The following NSD2 variants were observed in gnomAD, a reference collection of about 807,000 sequenced individuals.
NSD2 encodes nuclear receptor binding SET domain protein 2.
In NSD2, 12 loss-of-function variants were observed where a neutral mutation model predicts 139.0. The observed-to-expected ratio is 0.09, with a 90% CI of 0.06 to 0.14. The LOEUF is 0.14. Ranked by LOEUF, NSD2 falls within the 10% of genes least tolerant of loss-of-function variation. The pLI, the probability that NSD2 is intolerant of heterozygous loss-of-function variation, is 1.00. For missense variants in NSD2, 1,155 were observed against 1,745.0 expected (o/e 0.66, Z 6.02); for synonymous variants, 669 against 648.7 (o/e 1.03, Z -0.48).
intron 18 of NSD2, among the ~76,000 whole-genome samples, chr4:1,968,268 T>G (rs988635919): frequency 4.6e-5 from 7 of 152,186 alleles, no homozygotes; most frequent in African/African-American, 1.7e-4. Flanking sequence ...TTTGTGGGTA[T>G]GTGGATATGT....
intron 2 of NSD2, among the ~76,000 whole-genome samples, chr4:1,903,403 A>G (rs1477098394): frequency 1.3e-5 from 2 of 152,182 alleles, no homozygotes; most frequent in Admixed American, 1.3e-4. Context: ...TGAGGCTCAG[A>G]GAGCCCCAAG....
intron 3 of NSD2, among the ~76,000 whole-genome samples, chr4:1,916,096 G>T (rs1440103793): frequency 6.6e-6 from 1 of 152,082 alleles, no homozygotes; most frequent in African/African-American, 2.4e-5. Flanking sequence ...TTACTCTGTG[G>T]TCTGAGCTGC....
At chr4:1,909,077 AAG>A (rs1491189433) in intron 3 of NSD2, among the ~76,000 whole-genome samples, 65 of 152,216 alleles carry the variant, frequency 4.3e-4, no homozygotes, top group African/African-American at 1.5e-3. Context: ...CTAAAAAAAA[AAG>A]AGTTATATAT....
At chr4:1,924,489 A>G (rs528844340) in intron 5 of NSD2, among the ~76,000 whole-genome samples, 3 of 152,298 alleles carry the variant, frequency 2.0e-5, no homozygotes, top group Non-Finnish European at 2.9e-5. Context: ...AGACCACCCT[A>G]TTGGCTTTTT....
At position 1,916,973 on chromosome 4, in the gene NSD2, G is replaced by C; in HGVS notation, c.863G>C (p.Gly288Ala). 2 of 1,614,102 alleles carry C rather than the reference G, an allele frequency of 1.2e-6. No individual in the cohort carries two copies. Among genetic ancestry groups the C allele is most frequent in the Non-Finnish European group, 1.7e-6 (2 of 1,179,994 alleles). The change falls in exon 4 of 22, where the codon GGA (glycine) becomes GCA (alanine). Residue 288 changes from glycine (G) to alanine (A), a missense_variant. By Grantham distance (60) the Gly-to-Ala change is moderately conservative. Around this residue, in one of 8 missense-constraint regions of NSD2, gnomAD observed 420 missense variants for 469.0 expected, o/e 0.90. Coordinates refer to ENST00000508803, the MANE Select transcript of NSD2 (RefSeq NM_001042424.3). ...AGCCTCGTAGCTTTTGAAGGAGAAG[G>C]ACAGTTTGAAAAATTATGCCAGGAA... ...EKSLVAFEGEGQFEKLCQESA... is the reference protein window; with the variant it reads ...EKSLVAFEGEAQFEKLCQESA...
intron 18 of NSD2, among the ~76,000 whole-genome samples, chr4:1,965,621 A>G (rs931517696): frequency 5.3e-5 from 8 of 152,332 alleles, no homozygotes; most frequent in African/African-American, 1.9e-4. Flanking sequence ...GTATTAGTCT[A>G]TTTTTACACT....
rs144205141 is a variant in NSD2 at position 1,935,196 on chromosome 4, A to G, written c.1608A>G (p.Thr536=). 2.2e-5 allele frequency: 35 copies of G among 1,613,706 alleles called. No individual in the cohort carries two copies. In the African/African-American group the frequency reaches 3.7e-4, roughly 17 times the overall value. ...RNHTKRIQDP[T]EDAEAEDTPR... ...ACACAAAGAGGATACAGGACCCTAC[A>G]GAAGATGCTGAAGCTGAGGACACAC... The change falls in exon 7 of 22, where the codon ACA becomes ACG. Residue 536 remains threonine, a synonymous_variant. Coordinates refer to ENST00000508803, the MANE Select transcript of NSD2 (RefSeq NM_001042424.3).
intron 1 of NSD2, among the ~76,000 whole-genome samples, chr4:1,881,686 C>T (rs1560549006): frequency 1.3e-5 from 2 of 152,210 alleles, no homozygotes; most frequent in African/African-American, 2.4e-5. Flanking sequence ...TATGAGCCAC[C>T]CCTCTGAGCC....
intron 9 of NSD2, chr4:1,943,433 A>G (rs1382218438): frequency 2.9e-6 from 3 of 1,043,790 alleles, no homozygotes; most frequent in Non-Finnish European, 2.3e-6. Context: ...AAATGATAAA[A>G]TTGCCATCAT....
At position 1,958,090 on chromosome 4, in the gene NSD2, G is replaced by C. The variant is rs571382666; in HGVS notation, c.2985+54G>C. 5.7e-6 allele frequency: 9 copies of C among 1,567,604 alleles called. No homozygotes were observed. The highest frequency in any genetic ancestry group is 2.3e-5 in the East Asian group (1 of 44,378). ...GTGGAGGGAGTCTTCCCCGAGGGCC[G>C]TGAGAGGTTCTTAGGCACACCCAGG... On this transcript the variant is annotated intron_variant, in intron 16 of 21. Coordinates refer to ENST00000508803, the MANE Select transcript of NSD2 (RefSeq NM_001042424.3). The surrounding 1 kb of genome is among the most constrained non-coding windows in gnomAD (Gnocchi z 4.6).
chr4:1,941,261 C>G, intron 9 of NSD2: 4 of 1,056,784 alleles, frequency 3.8e-6, no homozygotes, highest in Non-Finnish European at 4.6e-6. Flanking sequence ...CTTTAAAGAG[C>G]TTTTAATGAG....
At chr4:1,879,860 T>TG (rs1308748935) in intron 1 of NSD2, among the ~76,000 whole-genome samples, 2 of 142,206 alleles carry the variant, frequency 1.4e-5, no homozygotes, top group African/African-American at 2.9e-5. Context: ...GTGTGTGTGT[T>TG]TTCTCCCAAG....
At chr4:1,904,451 CT>C in intron 3 of NSD2, 73 bp downstream of exon 3, 1 of 1,481,332 alleles carries the variant, frequency 6.8e-7, no homozygotes, top group Non-Finnish European at 9.1e-7. Flanking sequence ...AGGCTTCTTT[CT>C]TACTCTTTCT....
chr4:1,940,507 CT>C, intron 9 of NSD2: 1 of 1,064,456 alleles, frequency 9.4e-7, no homozygotes, highest in Non-Finnish European at 1.1e-6. Context: ...AGGTGTGACA[CT>C]TTTTTGTTCG....
Position 1,976,269 on chromosome 4 carries a change from G to T in NSD2, c.3622-206G>T, listed in dbSNP as rs760954970. 1.7e-6 allele frequency: 1 copy of T among 598,194 alleles called. No individual in the cohort carries two copies. The highest frequency in any genetic ancestry group is 3.0e-6 in the Non-Finnish European group (1 of 337,304). 37.1% of individuals were successfully genotyped at this position (598,194 alleles called of 1,614,324 possible). The stretch of plus-strand genomic sequence containing the variant: ...GCTTCCGACAAAGCTCACTCTAGTC[G>T]TAGTCTTTGTTCAGCTTTTTCACGC... On this transcript the variant is annotated intron_variant, in intron 20 of 21. Coordinates refer to ENST00000508803, the MANE Select transcript of NSD2 (RefSeq NM_001042424.3). This position sits in a 1 kb window ranked among gnomAD's most constrained non-coding sequence, Gnocchi z 5.3.
intron 17 of NSD2, among the ~76,000 whole-genome samples, chr4:1,960,215 A>G (rs887637022): frequency 3.3e-5 from 5 of 152,208 alleles, no homozygotes; most frequent in African/African-American, 1.2e-4. Context: ...TGTTACATGA[A>G]AGGTATCTGC....
Position 1,980,685 on chromosome 4 carries a change from C to T in NSD2, c.*1776C>T, listed in dbSNP as rs1420365193. ...CACTGGCTGGTGGCTGTCCCTTCTC[C>T]CATCAGGGTCCCCAGCAAAGTTAAC... On this transcript the variant is annotated 3_prime_UTR_variant, in exon 22 of 22. Coordinates refer to ENST00000508803, the MANE Select transcript of NSD2 (RefSeq NM_001042424.3). 4.3e-6 allele frequency: 1 copy of T among 233,180 alleles called. No homozygotes were observed. The highest frequency in any genetic ancestry group is 8.5e-6 in the Non-Finnish European group (1 of 118,016). The allele number at this position is 233,180 out of a possible 1,614,324, so 14.4% of individuals were successfully genotyped here. A position where few individuals can be genotyped will look rare whatever the true frequency, so the allele number is the denominator to read the frequency against.
At position 1,925,798 on chromosome 4, in the gene NSD2, GTTTGTT is replaced by G. The variant is rs1156905093; in HGVS notation, c.1411-4811_1411-4806del. On this transcript the variant is annotated intron_variant, in intron 5 of 21. Coordinates refer to ENST00000508803, the MANE Select transcript of NSD2 (RefSeq NM_001042424.3). Reference sequence around the variant, plus strand: ...TTTTTTTTTGTTTGTTTGTTTGTTTGTTTGTTTTTGTTTTTGTTTTTGAGACAGGGT... The same window carrying G: ...TTTTTTTTTGTTTGTTTGTTTGTTTGTTTGTTTTTGTTTTTGAGACAGGGT... Among the ~76,000 whole-genome samples, 884 of 150,278 alleles carry G rather than the reference GTTTGTT, an allele frequency of 5.9e-3. 6 individuals are homozygous for G. The highest frequency in any genetic ancestry group is 0.019 in the African/African-American group (777 of 40,774).
chr4:1,917,677 T>C (rs1045567465), intron 4 of NSD2, among the ~76,000 whole-genome samples: 1 of 152,148 alleles, frequency 6.6e-6, no homozygotes, highest in Non-Finnish European at 1.5e-5. Flanking sequence ...CCTCAGGTGA[T>C]GTGTCTGCCT....
Sources: allele counts gnomAD v4.1 joint callset (sites outside exome capture counted in the v4.1 genomes callset), GRCh38; gene constraint gnomAD v4.1.1; regional missense constraint gnomAD v4.1.1; non-coding constraint Gnocchi (gnomAD v3.1); transcripts MANE v1.5; gene names NCBI Gene and HGNC (gene_info 2026-07-23, HGNC 2026-07-21).